FA2H: variants seen among roughly 807,000 people sequenced by gnomAD.
FA2H encodes fatty acid alpha-hydroxylase.
Under a neutral mutation model 44.9 loss-of-function variants are expected in FA2H, and 22 were observed. The ratio of observed to expected loss-of-function variants is 0.49; its 90% CI spans 0.35 to 0.70. FA2H has a LOEUF of 0.70. FA2H is among the 30% of genes least tolerant of loss of function. FA2H has a pLI of 0.01. For synonymous variants in FA2H, 243 were observed against 213.2 expected (o/e 1.14, Z -1.22); for missense variants, 501 against 504.9 (o/e 0.99, Z 0.07).
intron 1 of FA2H, among the ~76,000 whole-genome samples, chr16:74,755,839 GCT>G (rs1212732703): frequency 2.0e-5 from 3 of 151,888 alleles, no homozygotes; most frequent in Non-Finnish European, 4.4e-5. Flanking sequence ...AATTTATTTG[GCT>G]CTCTTTTCCC....
intron 2 of FA2H, among the ~76,000 whole-genome samples, chr16:74,729,853 C>T (rs368770046): frequency 4.8e-4 from 73 of 152,112 alleles, no homozygotes; most frequent in African/African-American, 1.5e-3. Flanking sequence ...GAGGGTGTCT[C>T]GGTGGATGCT....
At chr16:74,725,590 G>A (rs1961935226) in intron 4 of FA2H, among the ~76,000 whole-genome samples, 1 of 152,188 alleles carries the variant, frequency 6.6e-6, no homozygotes, top group East Asian at 1.9e-4. Flanking sequence ...ATATCTCTGA[G>A]GCTCCATTTC....
chr16:74,774,638 C>A lies in FA2H; in HGVS notation c.118G>T (p.Val40Leu). The A allele has an allele frequency of 6.6e-7, 1 of 1,512,302 alleles. No individual in the cohort carries two copies. Among genetic ancestry groups the A allele is most frequent in the Non-Finnish European group, 8.8e-7 (1 of 1,138,306 alleles). 93.7% of individuals were successfully genotyped at this position (1,512,302 alleles called of 1,614,324 possible). A position where few individuals can be genotyped will look rare whatever the true frequency, so the allele number is the denominator to read the frequency against. ...GARLYDLSSFVRHHPGGEQLL... is the reference protein window; with the variant it reads ...GARLYDLSSFLRHHPGGEQLL... The stretch of plus-strand genomic sequence containing the variant: ...TGCTCGCCCCCCGGGTGGTGCCGCA[C>A]GAAGCTGGAGAGGTCGTAGAGGCGG... The change falls in exon 1 of 7, where the codon GTG (valine) becomes TTG (leucine). Residue 40 changes from valine to leucine, a missense_variant. Transcript: ENST00000219368.
At chr16:74,738,018 A>T (rs889312010) in intron 2 of FA2H, among the ~76,000 whole-genome samples, 3 of 152,360 alleles carry the variant, frequency 2.0e-5, no homozygotes, top group Admixed American at 1.3e-4. Context: ...AGAAAAAAGC[A>T]GAAAAGCACC....
At chr16:74,741,333 A>C (rs1962290113) in intron 1 of FA2H, 1 of 152,206 alleles carries the variant, frequency 6.6e-6, no homozygotes. Flanking sequence ...GACCCAAGAG[A>C]ACCTGATGGT....
chr16:74,740,803 C>G (rs1962281214), intron 1 of FA2H, among the ~76,000 whole-genome samples: 1 of 152,106 alleles, frequency 6.6e-6, no homozygotes, highest in Non-Finnish European at 1.5e-5. Flanking sequence ...CTTCAGGTCC[C>G]TGGCAGGTGC....
rs780492478 is a variant in FA2H at position 74,726,220 on chromosome 16, A to G, written c.613+5T>C. ...AGGGCAAGTCAGGAAAGAAACTGGC[A>G]TTACCTGTTGTAAATGACGTGAAGA... On this transcript the variant is annotated splice_donor_5th_base_variant and intron_variant, in intron 4 of 6. Transcript: ENST00000219368. The G allele has an allele frequency of 1.9e-6, 3 of 1,601,956 alleles. No homozygotes were observed. Among genetic ancestry groups the G allele is most frequent in the Middle Eastern group, 1.7e-4 (1 of 6,060 alleles).
intron 2 of FA2H, among the ~76,000 whole-genome samples, chr16:74,739,754 C>A (rs975791484): frequency 2.0e-5 from 3 of 152,194 alleles, no homozygotes; most frequent in Non-Finnish European, 4.4e-5. Flanking sequence ...CGGGAGAATT[C>A]TTCTTCTCCA....
In FA2H at chr16:74,726,040, TG is replaced by T. The variant is rs1359518049; in HGVS notation, c.613+184del. 5.0e-6 allele frequency: 3 copies of T among 598,010 alleles called. No homozygotes were observed. The Admixed American group carries it at 7.3e-5, about 15-fold the overall frequency. 37.0% of individuals were successfully genotyped at this position (598,010 alleles called of 1,614,324 possible). ...TGTGTTGTTGGGTTTTGTATCCATTTGGGGGGTAGATGGGAGTCAGACAAAA... is the reference window on the plus strand; with the variant it reads ...TGTGTTGTTGGGTTTTGTATCCATTTGGGGGTAGATGGGAGTCAGACAAAA... On this transcript the variant is annotated intron_variant, in intron 4 of 6. Coordinates refer to ENST00000219368, the MANE Select transcript of FA2H (RefSeq NM_024306.5).
intron 1 of FA2H, among the ~76,000 whole-genome samples, chr16:74,759,078 C>T (rs985673508): frequency 6.6e-6 from 1 of 152,212 alleles, no homozygotes; most frequent in Admixed American, 6.5e-5. Flanking sequence ...TAACACGGGT[C>T]TAGACTCATG....
chr16:74,721,710 C>T (rs567484612), intron 4 of FA2H, among the ~76,000 whole-genome samples: 2 of 152,334 alleles, frequency 1.3e-5, no homozygotes, highest in African/African-American at 4.8e-5. Context: ...CTCTACTCCC[C>T]TTTACTGCCT....
At chr16:74,725,690 C>T (rs765227390) in intron 4 of FA2H, among the ~76,000 whole-genome samples, 129 of 152,190 alleles carry the variant, frequency 8.5e-4, no homozygotes, top group Non-Finnish European at 1.5e-3. Context: ...CACGTGGCCC[C>T]GCACATGGCA....
intron 6 of FA2H, among the ~76,000 whole-genome samples, chr16:74,715,105 G>T (rs1328580205): frequency 1.3e-5 from 2 of 151,840 alleles, no homozygotes; most frequent in Non-Finnish European, 2.9e-5. Flanking sequence ...CCTCAAGTGT[G>T]TTACCGGAAA....
At chr16:74,770,059 C>A (rs1962879001) in intron 1 of FA2H, among the ~76,000 whole-genome samples, 1 of 152,214 alleles carries the variant, frequency 6.6e-6, no homozygotes, top group African/African-American at 2.4e-5. Context: ...AGGATGCTCC[C>A]ATCCAAGGGC....
chr16:74,736,554 G>C (rs1202643319), intron 2 of FA2H, among the ~76,000 whole-genome samples: 1 of 152,230 alleles, frequency 6.6e-6, no homozygotes, highest in Non-Finnish European at 1.5e-5. Context: ...GGACCCTGGT[G>C]GTCTGTGTTA....
intron 6 of FA2H, among the ~76,000 whole-genome samples, chr16:74,715,853 T>C (rs974741796): frequency 2.0e-5 from 3 of 151,452 alleles, no homozygotes; most frequent in Non-Finnish European, 4.4e-5. Flanking sequence ...CCTTGCTCTG[T>C]TGCCCAGGCT....
chr16:74,763,501 G>A (rs573410878), intron 1 of FA2H, among the ~76,000 whole-genome samples: 71 of 152,222 alleles, frequency 4.7e-4, no homozygotes, highest in Non-Finnish European at 8.7e-4. Flanking sequence ...CAAGCGATCC[G>A]CCTTCCTCAG....
intron 2 of FA2H, among the ~76,000 whole-genome samples, chr16:74,734,810 G>A (rs1283170186): frequency 6.6e-6 from 1 of 152,212 alleles, no homozygotes; most frequent in Non-Finnish European, 1.5e-5. Context: ...GGGGGCAGGC[G>A]GCGGGGGCAG....
intron 4 of FA2H, among the ~76,000 whole-genome samples, chr16:74,721,465 G>C (rs1360317898): frequency 3.9e-5 from 6 of 152,252 alleles, no homozygotes; most frequent in Admixed American, 3.3e-4. Flanking sequence ...ATCATGCTTG[G>C]CCTAGCCGTT....
Sources: allele counts gnomAD v4.1 joint callset (sites outside exome capture counted in the v4.1 genomes callset), GRCh38; gene constraint gnomAD v4.1.1; transcripts MANE v1.5; gene names NCBI Gene and HGNC (gene_info 2026-07-23, HGNC 2026-07-21).